Variants in OR51B4 observed in about 807,000 individuals in gnomAD.
OR51B4 encodes olfactory receptor 51B4.
For synonymous variants in OR51B4, 147 were observed against 140.8 expected, an observed-to-expected ratio of 1.04 and a Z score of -0.31; for missense variants, 402 against 379.8, an observed-to-expected ratio of 1.06 and a Z score of -0.49.
chr11:5,301,043 G>T lies in OR51B4; in HGVS notation c.904C>A (p.Arg302Ser), dbSNP rs754916789. 1.9e-6 allele frequency: 3 copies of T among 1,609,388 alleles called. No homozygotes were observed. In the South Asian group the frequency reaches 3.3e-5, roughly 18 times the overall value. Residue 302 changes from arginine to serine, a missense_variant, in exon 1 of 1, where the codon CGC (arginine) becomes AGC (serine). Transcript: ENST00000380224. Reference sequence around the variant, plus strand: ...GCCCTACTCTGCCCAGAAAATAGGCGAATAATGCTTCTTTGAATCTGCTTG... The same window carrying T: ...GCCCTACTCTGCCCAGAAAATAGGCTAATAATGCTTCTTTGAATCTGCTTG... ...KTKQIQRSII[R>S]LFSGQSRA is the part of the protein sequence containing the mutation.
Position 5,301,638 on chromosome 11 carries a change from T to A in OR51B4, c.309A>T (p.Ser103=). 2 of 1,614,058 alleles carry A rather than the reference T, an allele frequency of 1.2e-6. No individual in the cohort carries two copies. Among genetic ancestry groups the A allele is most frequent in the Non-Finnish European group, 1.7e-6 (2 of 1,180,008 alleles). ...AACFTQSFIH[S]LAIVESGILL... ...AGATACCTGATTCTACAATGGCCAGTGAATGAATGAAGGATTGGGTGAAAC... is the reference window on the plus strand; with the variant it reads ...AGATACCTGATTCTACAATGGCCAGAGAATGAATGAAGGATTGGGTGAAAC... Residue 103 remains serine (S), a synonymous_variant, in exon 1 of 1, where the codon TCA becomes TCT. Coordinates refer to ENST00000380224, the MANE Select transcript of OR51B4 (RefSeq NM_033179.2).
In OR51B4 at chr11:5,301,091, G is replaced by A. The variant is rs769382012; in HGVS notation, c.856C>T (p.Pro286Ser). ...TTGGTCTTGATGCTATAAATGATAG[G>A]ATTCACGAATGGAGGAAAGAGAAAA... Reference protein sequence around the residue: ...VHFLFPPFVNPIIYSIKTKQI... With the variant: ...VHFLFPPFVNSIIYSIKTKQI... The change falls in exon 1 of 1, where the codon CCT becomes TCT. Residue 286 changes from proline to serine, a missense_variant. Coordinates refer to ENST00000380224, the MANE Select transcript of OR51B4 (RefSeq NM_033179.2). 5 of 1,613,936 alleles carry A rather than the reference G, an allele frequency of 3.1e-6. No individual in the cohort carries two copies. The South Asian group carries it at 4.4e-5, about 14-fold the overall frequency.
chr11:5,301,364 A>G lies in OR51B4; in HGVS notation c.583T>C (p.Tyr195His). The part of the protein sequence containing the change: ...ACADITFNHI[Y>H]PIIQTSLTVF... Reference sequence around the variant, plus strand: ...GTCAAAGAAGTCTGAATAATTGGATATATGTGATTAAACGTGATATCAGCA... The same window carrying G: ...GTCAAAGAAGTCTGAATAATTGGATGTATGTGATTAAACGTGATATCAGCA... Residue 195 changes from tyrosine to histidine, a missense_variant, in exon 1 of 1, where the codon TAT becomes CAT. Transcript: ENST00000380224. 2 of 1,614,068 alleles carry G rather than the reference A, an allele frequency of 1.2e-6. No homozygotes were observed. The highest frequency in any genetic ancestry group is 2.7e-5 in the African/African-American group (2 of 75,048).
Position 5,301,589 on chromosome 11 carries a change from A to T in OR51B4, c.358T>A (p.Phe120Ile), listed in dbSNP as rs1306472780. 6.2e-7 allele frequency: 1 copy of T among 1,614,054 alleles called. No homozygotes were observed. Among genetic ancestry groups the T allele is most frequent in the African/African-American group, 1.3e-5 (1 of 74,900 alleles). The change falls in exon 1 of 1, where the codon TTC becomes ATC. Residue 120 changes from phenylalanine to isoleucine, a missense_variant. Coordinates refer to ENST00000380224, the MANE Select transcript of OR51B4 (RefSeq NM_033179.2). ...GILLVLAYDC[F>I]IAIRTPLRYN... Reference sequence around the variant, plus strand: ...CTCAGTGGTGTGCGGATGGCAATGAAACAGTCATAGGCCAAAACAAGCAAG... The same window carrying T: ...CTCAGTGGTGTGCGGATGGCAATGATACAGTCATAGGCCAAAACAAGCAAG...
rs1243072244 is a variant in OR51B4, at chr11:5,301,175, T to C, written c.772A>G (p.Ile258Val). ...FHITVMGLSF[I>V]HRFGKHAPHV... is the part of the protein sequence containing the mutation. ...GGTGCATGTTTCCCAAACCTGTGAA[T>C]GAATGACAGTCCCATCACAGTGATG... The change falls in exon 1 of 1, where the codon ATT becomes GTT. Residue 258 changes from isoleucine to valine, a missense_variant. Ile to Val is a conservative substitution (Grantham distance 29, BLOSUM62 3). Coordinates refer to ENST00000380224, the MANE Select transcript of OR51B4 (RefSeq NM_033179.2). 6.2e-7 allele frequency: 1 copy of C among 1,613,998 alleles called. No homozygotes were observed. Among genetic ancestry groups the C allele is most frequent in the African/African-American group, 1.3e-5 (1 of 74,914 alleles).
At position 5,301,918 on chromosome 11, in the gene OR51B4, A is replaced by C. The variant is rs756312660; in HGVS notation, c.29T>G (p.Phe10Cys). 14 of 1,595,770 alleles carry C rather than the reference A, an allele frequency of 8.8e-6. No homozygotes were observed. In the African/African-American group the frequency reaches 1.2e-4, roughly 14 times the overall value. ...TGAGCCCAAGAAGCCAGTCAGCAAG[A>C]AGGGGCCAGCACTGTTGTTATACCA... Reference protein sequence around the residue: MWYNNSAGPFLLTGFLGSEA... With the variant: MWYNNSAGPCLLTGFLGSEA... The change falls in exon 1 of 1, where the codon TTC becomes TGC. Residue 10 changes from phenylalanine to cysteine, a missense_variant. Coordinates refer to ENST00000380224, the MANE Select transcript of OR51B4 (RefSeq NM_033179.2).
In OR51B4 at chr11:5,301,135, A is replaced by G; in HGVS notation, c.812T>C (p.Ile271Thr). Residue 271 changes from isoleucine (I) to threonine (T), a missense_variant, in exon 1 of 1, where the codon ATT (isoleucine) becomes ACT (threonine). Coordinates refer to ENST00000380224, the MANE Select transcript of OR51B4 (RefSeq NM_033179.2). The part of the protein sequence containing the change: ...FGKHAPHVVP[I>T]TMSYVHFLFP... ...GAGAAAATGGACATAGCTCATGGTA[A>G]TGGGGACCACATGAGGTGCATGTTT... 1 of 1,613,840 alleles carries G rather than the reference A, an allele frequency of 6.2e-7. No individual in the cohort carries two copies. The highest frequency in any genetic ancestry group is 1.1e-5 in the South Asian group (1 of 91,074).
In OR51B4 at chr11:5,301,570, G is replaced by A; in HGVS notation, c.377C>T (p.Pro126Leu). Reference protein sequence around the residue: ...AYDCFIAIRTPLRYNCILTNS... With the variant: ...AYDCFIAIRTLLRYNCILTNS... ...GGTAAGAATGCAGTTGTACCTCAGT[G>A]GTGTGCGGATGGCAATGAAACAGTC... Residue 126 changes from proline (P) to leucine (L), a missense_variant, in exon 1 of 1, where the codon CCA (proline) becomes CTA (leucine). Coordinates refer to ENST00000380224, the MANE Select transcript of OR51B4 (RefSeq NM_033179.2). The A allele has an allele frequency of 6.2e-7, 1 of 1,614,166 alleles. No homozygotes were observed. The highest frequency in any genetic ancestry group is 8.5e-7 in the Non-Finnish European group (1 of 1,180,032).
At position 5,301,237 on chromosome 11, in the gene OR51B4, G is replaced by A; in HGVS notation, c.710C>T (p.Thr237Ile). The change falls in exon 1 of 1, where the codon ACT (threonine) becomes ATT (isoleucine). Residue 237 changes from threonine to isoleucine, a missense_variant. Transcript: ENST00000380224. The part of the protein sequence containing the change: ...SGQEEAKSLN[T>I]CVSHISCVLV... Reference sequence around the variant, plus strand: ...GACACAGCTAATATGGGAGACACAAGTGTTGAGAGATTTAGCTTCCTCTTG... The same window carrying A: ...GACACAGCTAATATGGGAGACACAAATGTTGAGAGATTTAGCTTCCTCTTG... The A allele has an allele frequency of 6.2e-7, 1 of 1,613,966 alleles. No homozygotes were observed. Among genetic ancestry groups the A allele is most frequent in the Non-Finnish European group, 8.5e-7 (1 of 1,179,868 alleles).
rs1340535086 is a variant in OR51B4, at chr11:5,301,136, T to C, written c.811A>G (p.Ile271Val). 1.3e-5 allele frequency: 21 copies of C among 1,613,718 alleles called. No individual in the cohort carries two copies. The African/African-American group carries it at 2.5e-4, about 19-fold the overall frequency. ...AGAAAATGGACATAGCTCATGGTAATGGGGACCACATGAGGTGCATGTTTC... is the reference window on the plus strand; with the variant it reads ...AGAAAATGGACATAGCTCATGGTAACGGGGACCACATGAGGTGCATGTTTC... ...FGKHAPHVVP[I>V]TMSYVHFLFP... The change falls in exon 1 of 1, where the codon ATT (isoleucine) becomes GTT (valine). Residue 271 changes from isoleucine to valine, a missense_variant. Coordinates refer to ENST00000380224, the MANE Select transcript of OR51B4 (RefSeq NM_033179.2).
At position 5,301,297 on chromosome 11, in the gene OR51B4, A is replaced by C; in HGVS notation, c.650T>G (p.Leu217Arg). ...DALIIIFSYILILKTVMGIAS... is the reference protein window; with the variant it reads ...DALIIIFSYIRILKTVMGIAS... ...AATGCCCATCACTGTCTTGAGGATT[A>C]GTATATAAGAAAAGATGATGATTAG... Residue 217 changes from leucine (L) to arginine (R), a missense_variant, in exon 1 of 1, where the codon CTA (leucine) becomes CGA (arginine). Leu to Arg is a moderately radical substitution (Grantham distance 102). Transcript: ENST00000380224. 1.2e-6 allele frequency: 2 copies of C among 1,614,114 alleles called. No individual in the cohort carries two copies. The highest frequency in any genetic ancestry group is 2.7e-5 in the African/African-American group (2 of 75,054).
rs961279523 is a variant in OR51B4, at chr11:5,301,706, C to G, written c.241G>C (p.Gly81Arg). 2.5e-6 allele frequency: 4 copies of G among 1,614,094 alleles called. No individual in the cohort carries two copies. Among genetic ancestry groups the G allele is most frequent in the Non-Finnish European group, 3.4e-6 (4 of 1,180,020 alleles). ...MTFTTMPTVL[G>R]VLLLDQREIA... ...TCCCTCTGGTCTAGCAGCAGGACAC[C>G]CAGGACTGTGGGCATTGTAGTGAAT... Residue 81 changes from glycine (G) to arginine (R), a missense_variant, in exon 1 of 1, where the codon GGT becomes CGT. Coordinates refer to ENST00000380224, the MANE Select transcript of OR51B4 (RefSeq NM_033179.2).
Position 5,301,369 on chromosome 11 carries a change from T to G in OR51B4, c.578A>C (p.His193Pro). The G allele has an allele frequency of 6.2e-7, 1 of 1,614,034 alleles. No homozygotes were observed. Among genetic ancestry groups the G allele is most frequent in the South Asian group, 1.1e-5 (1 of 91,056 alleles). Residue 193 changes from histidine (H) to proline (P), a missense_variant, in exon 1 of 1, where the codon CAC (histidine) becomes CCC (proline). Transcript: ENST00000380224. ...AGAAGTCTGAATAATTGGATATATG[T>G]GATTAAACGTGATATCAGCACAGGC... Reference protein sequence around the residue: ...KLACADITFNHIYPIIQTSLT... With the variant: ...KLACADITFNPIYPIIQTSLT...
rs1255915045 is a variant in OR51B4, at chr11:5,301,236, A to T, written c.711T>A (p.Thr237=). 1 of 1,613,824 alleles carries T rather than the reference A, an allele frequency of 6.2e-7. No homozygotes were observed. Among genetic ancestry groups the T allele is most frequent in the African/African-American group, 1.3e-5 (1 of 74,934 alleles). ...GGACACAGCTAATATGGGAGACACAAGTGTTGAGAGATTTAGCTTCCTCTT... is the reference window on the plus strand; with the variant it reads ...GGACACAGCTAATATGGGAGACACATGTGTTGAGAGATTTAGCTTCCTCTT... ...SGQEEAKSLN[T]CVSHISCVLV... Residue 237 remains threonine, a synonymous_variant, in exon 1 of 1, where the codon ACT becomes ACA. Coordinates refer to ENST00000380224, the MANE Select transcript of OR51B4 (RefSeq NM_033179.2).
At position 5,301,905 on chromosome 11, in the gene OR51B4, G is replaced by C. The variant is rs1848500323; in HGVS notation, c.42C>G (p.Gly14=). ...AGTGAACTGCCTCTGAGCCCAAGAAGCCAGTCAGCAAGAAGGGGCCAGCAC... is the reference window on the plus strand; with the variant it reads ...AGTGAACTGCCTCTGAGCCCAAGAACCCAGTCAGCAAGAAGGGGCCAGCAC... ...NNSAGPFLLT[G]FLGSEAVHYR... The change falls in exon 1 of 1, where the codon GGC becomes GGG. Residue 14 remains glycine (G), a synonymous_variant. Coordinates refer to ENST00000380224, the MANE Select transcript of OR51B4 (RefSeq NM_033179.2). The C allele has an allele frequency of 1.7e-5, 27 of 1,600,538 alleles. No individual in the cohort carries two copies. Among genetic ancestry groups the C allele is most frequent in the Non-Finnish European group, 2.1e-5 (25 of 1,174,242 alleles).
chr11:5,301,068 G>C lies in OR51B4; in HGVS notation c.879C>G (p.Thr293=). 1 of 1,613,288 alleles carries C rather than the reference G, an allele frequency of 6.2e-7. No individual in the cohort carries two copies. Among genetic ancestry groups the C allele is most frequent in the Non-Finnish European group, 8.5e-7 (1 of 1,179,740 alleles). ...FVNPIIYSIK[T]KQIQRSIIRL... is the part of the protein sequence containing the mutation. ...GAATAATGCTTCTTTGAATCTGCTT[G>C]GTCTTGATGCTATAAATGATAGGAT... The change falls in exon 1 of 1, where the codon ACC becomes ACG. Residue 293 remains threonine (T), a synonymous_variant. Coordinates refer to ENST00000380224, the MANE Select transcript of OR51B4 (RefSeq NM_033179.2).
At position 5,301,773 on chromosome 11, in the gene OR51B4, G is replaced by C. The variant is rs117137507; in HGVS notation, c.174C>G (p.Tyr58Ter). 1.7e-5 allele frequency: 27 copies of C among 1,614,096 alleles called. No individual in the cohort carries two copies. The East Asian group carries it at 5.1e-4, about 31-fold the overall frequency. ...TGTCTGCCAGCATAGCCAGGAAGTA[G>C]TACATGGGCTCATGGAGGCTGTGAT... is the stretch of plus-strand genomic sequence containing the variant. ...WNDHSLHEPMYYFLAMLADTD... is the reference protein window; with the variant it reads ...WNDHSLHEPM The change falls in exon 1 of 1, where the codon TAC (tyrosine) becomes TAG (stop). Residue 58 changes from tyrosine to a stop codon, truncating the protein, a stop_gained. Coordinates refer to ENST00000380224, the MANE Select transcript of OR51B4 (RefSeq NM_033179.2). LOFTEE classifies it low-confidence loss of function (END_TRUNC).
At position 5,301,723 on chromosome 11, in the gene OR51B4, G is replaced by A; in HGVS notation, c.224C>T (p.Thr75Ile). 1 of 1,614,118 alleles carries A rather than the reference G, an allele frequency of 6.2e-7. No individual in the cohort carries two copies. ...CAGGACACCCAGGACTGTGGGCATT[G>A]TAGTGAATGTCATCCCAAGGTCCGT... ...ADTDLGMTFT[T>I]MPTVLGVLLL... The change falls in exon 1 of 1, where the codon ACA becomes ATA. Residue 75 changes from threonine (T) to isoleucine (I), a missense_variant. Thr to Ile is a moderately conservative substitution (Grantham distance 89, BLOSUM62 -1). Transcript: ENST00000380224.
chr11:5,301,908 A>G lies in OR51B4; in HGVS notation c.39T>C (p.Thr13=), dbSNP rs1271068445. The G allele has an allele frequency of 3.8e-6, 6 of 1,599,262 alleles. No individual in the cohort carries two copies. The highest frequency in any genetic ancestry group is 2.7e-5 in the African/African-American group (2 of 74,710). ...GAACTGCCTCTGAGCCCAAGAAGCCAGTCAGCAAGAAGGGGCCAGCACTGT... is the reference window on the plus strand; with the variant it reads ...GAACTGCCTCTGAGCCCAAGAAGCCGGTCAGCAAGAAGGGGCCAGCACTGT... The part of the protein sequence containing the change: ...YNNSAGPFLL[T]GFLGSEAVHY... The change falls in exon 1 of 1, where the codon ACT becomes ACC. Residue 13 remains threonine (T), a synonymous_variant. Transcript: ENST00000380224.
Sources: allele counts gnomAD v4.1 joint callset, GRCh38; gene constraint gnomAD v4.1.1; transcripts MANE v1.5; gene names NCBI Gene and HGNC (gene_info 2026-07-23, HGNC 2026-07-21).